Variants in P3H2 observed in about 807,000 individuals in gnomAD.
The protein encoded by P3H2 is prolyl 3-hydroxylase 2.
A neutral mutation model predicts 87.0 loss-of-function variants in P3H2; 80 were observed. The observed-to-expected ratio is 0.92, with a 90% CI of 0.77 to 1.11. The LOEUF is 1.11. Ranked by LOEUF, P3H2 falls within the 50% of genes least tolerant of loss-of-function variation. The pLI is 0.00. For synonymous variants in P3H2, 367 were observed against 359.3 expected, an observed-to-expected ratio of 1.02 and a Z score of -0.24; for missense variants, 1,001 against 923.9, an observed-to-expected ratio of 1.08 and a Z score of -1.08.
chr3:190,089,261 C>G (rs1727331857), intron 1 of P3H2, among the ~76,000 whole-genome samples: 1 of 152,132 alleles, frequency 6.6e-6, no homozygotes, highest in South Asian at 2.1e-4. Flanking sequence ...GGAGATACAC[C>G]TAATGTAAAT....
chr3:190,016,142 A>C (rs1407777189), intron 1 of P3H2, among the ~76,000 whole-genome samples: 2 of 152,156 alleles, frequency 1.3e-5, no homozygotes, highest in Non-Finnish European at 2.9e-5. Context: ...GGGATTTTCC[A>C]TTCTTCTTGT....
At chr3:190,115,681 A>G (rs1306960426) in intron 1 of P3H2, among the ~76,000 whole-genome samples, 1 of 152,242 alleles carries the variant, frequency 6.6e-6, no homozygotes, top group East Asian at 1.9e-4. Context: ...CAGGCAGTCA[A>G]CAGTCCTGAA....
At chr3:189,966,151 G>GA (rs1553871229) in intron 13 of P3H2, among the ~76,000 whole-genome samples, 1 of 141,652 alleles carries the variant, frequency 7.1e-6, no homozygotes, top group Non-Finnish European at 1.5e-5. Context: ...AAGAAAGAAA[G>GA]AAAGAAAGAA....
chr3:190,032,809 G>A (rs79363709), intron 1 of P3H2, among the ~76,000 whole-genome samples: 2,623 of 152,270 alleles, frequency 0.017, 65 homozygotes, highest in African/African-American at 0.058. Context: ...TTTCGTGGAA[G>A]ACAATTTTTC....
chr3:190,082,790 G>GT (rs959246587), intron 1 of P3H2, among the ~76,000 whole-genome samples: 9 of 151,880 alleles, frequency 5.9e-5, no homozygotes, highest in South Asian at 2.1e-4. Flanking sequence ...ACAGAGGTGG[G>GT]TTTTTTTTAA....
chr3:190,025,602 A>G (rs1038065220), intron 1 of P3H2, among the ~76,000 whole-genome samples: 3 of 152,224 alleles, frequency 2.0e-5, no homozygotes, highest in Admixed American at 6.5e-5. Context: ...TCCTTTGCAT[A>G]TAAGAGTTTG....
intron 8 of P3H2, among the ~76,000 whole-genome samples, chr3:189,977,335 C>A (rs1057012804): frequency 6.6e-6 from 1 of 152,168 alleles, no homozygotes; most frequent in African/African-American, 2.4e-5. Flanking sequence ...AGCGGCTGTA[C>A]TGGAGAGGAT....
In P3H2 at chr3:189,997,829, G is replaced by C. The variant is rs1724095406; in HGVS notation, c.481-2387C>G. Among the ~76,000 whole-genome samples the C allele has an allele frequency of 2.0e-5, 3 of 152,096 alleles. No individual in the cohort carries two copies. The South Asian group carries it at 6.2e-4, about 32-fold the overall frequency. On this transcript the variant is annotated intron_variant, in intron 1 of 14. Transcript: ENST00000319332. The stretch of plus-strand genomic sequence containing the variant: ...TCTCAATCTCTTACATATCAATACA[G>C]ATAAATATGAATTGTATGCATCTAC...
intron 1 of P3H2, among the ~76,000 whole-genome samples, chr3:190,102,590 T>C (rs564181216): frequency 4.6e-5 from 7 of 152,350 alleles, no homozygotes; most frequent in African/African-American, 1.7e-4. Context: ...AAAAAGTTGC[T>C]TCTTAAGGAT....
At chr3:190,033,434 G>T (rs1725320342) in intron 1 of P3H2, among the ~76,000 whole-genome samples, 1 of 152,094 alleles carries the variant, frequency 6.6e-6, no homozygotes. Flanking sequence ...AAAATATCTA[G>T]AACCAACTGG....
At chr3:190,099,141 CAA>C (rs1711530590) in intron 1 of P3H2, among the ~76,000 whole-genome samples, 2 of 151,998 alleles carry the variant, frequency 1.3e-5, no homozygotes. Context: ...AACATTTTGT[CAA>C]GTTTCACTTC....
chr3:189,982,977 G>T (rs1261808001), intron 8 of P3H2, 69 bp downstream of exon 8: 3 of 1,186,130 alleles, frequency 2.5e-6, no homozygotes, highest in South Asian at 1.2e-5. Flanking sequence ...CCTTGATCTG[G>T]AAAAGAACTG....
chr3:189,973,140 G>C, intron 10 of P3H2, 116 bp from the exon 11 acceptor site: 1 of 876,442 alleles, frequency 1.1e-6, no homozygotes, highest in South Asian at 1.7e-5. Context: ...TTGACTAATG[G>C]GGAAGGCTAC....
intron 1 of P3H2, among the ~76,000 whole-genome samples, chr3:190,030,400 C>G (rs569210147): frequency 6.6e-6 from 1 of 152,232 alleles, no homozygotes; most frequent in Admixed American, 6.5e-5. Context: ...GGCAAAACCT[C>G]TTGTCTAAAA....
intron 1 of P3H2, among the ~76,000 whole-genome samples, chr3:190,039,439 T>C (rs568186775): frequency 2.6e-5 from 4 of 152,334 alleles, no homozygotes; most frequent in East Asian, 1.9e-4. Context: ...TCATGAAATA[T>C]AGCATGTGTT....
intron 1 of P3H2, among the ~76,000 whole-genome samples, chr3:190,051,217 T>G (rs952623034): frequency 3.9e-5 from 6 of 152,064 alleles, no homozygotes. Flanking sequence ...AGCTGGGAGG[T>G]TACTCTGGAT....
At chr3:189,969,991 G>A in intron 13 of P3H2, 1 of 597,796 alleles carries the variant, frequency 1.7e-6, no homozygotes, top group Non-Finnish European at 3.1e-6. Flanking sequence ...GAAGACCAAA[G>A]GATGCTAACT....
At chr3:190,086,597 C>G (rs1056928553) in intron 1 of P3H2, among the ~76,000 whole-genome samples, 1 of 152,172 alleles carries the variant, frequency 6.6e-6, no homozygotes, top group Non-Finnish European at 1.5e-5. Flanking sequence ...ATACAGATTT[C>G]TCAATTTCAC....
rs200109023 is a variant in P3H2, at chr3:190,084,950, C to CAA, written c.480+35300_480+35301dup. The stretch of plus-strand genomic sequence containing the variant: ...TTTGTCGAGAGCTAAGAGAAACAAA[C>CAA]AAAAAAAAAAAAGAAAGAAAGAAAA... On this transcript the variant is annotated intron_variant, in intron 1 of 14. Transcript: ENST00000319332. Among the ~76,000 whole-genome samples, 49 of 133,128 alleles carry CAA rather than the reference C, an allele frequency of 3.7e-4. 1 individual carries two copies. The highest frequency in any genetic ancestry group is 8.8e-4 in the Admixed American group (12 of 13,688). 87.3% of individuals were successfully genotyped at this position (133,128 alleles called of 152,430 possible).
Sources: allele counts gnomAD v4.1 joint callset (sites outside exome capture counted in the v4.1 genomes callset), GRCh38; gene constraint gnomAD v4.1.1; transcripts MANE v1.5; gene names NCBI Gene and HGNC (gene_info 2026-07-23, HGNC 2026-07-21).